TRERF1: variants seen among roughly 807,000 people sequenced by gnomAD.
The protein encoded by TRERF1 is transcriptional regulating factor 1.
Under a neutral mutation model 122.9 loss-of-function variants are expected in TRERF1, and 27 were observed. The observed-to-expected ratio is 0.22, with a 90% CI of 0.16 to 0.30. TRERF1 has a LOEUF of 0.30. Ranked by LOEUF, TRERF1 falls within the 10% of genes least tolerant of loss-of-function variation. The pLI is 1.00. For synonymous variants in TRERF1, 636 were observed against 641.7 expected (o/e 0.99, Z 0.13); for missense variants, 1,248 against 1,560.3 (o/e 0.80, Z 3.37).
At chr6:42,382,340 C>T (rs1047241277) in intron 2 of TRERF1, among the ~76,000 whole-genome samples, 1 of 151,178 alleles carries the variant, frequency 6.6e-6, no homozygotes, top group African/African-American at 2.4e-5. Context: ...CAGGTTAAAA[C>T]ATTTTATCTC....
chr6:42,403,128 A>T (rs1192811113), intron 2 of TRERF1, among the ~76,000 whole-genome samples: 6 of 152,106 alleles, frequency 3.9e-5, no homozygotes, highest in Admixed American at 3.9e-4. Context: ...AGAGACAGCA[A>T]ACCTCAGCTG....
chr6:42,256,866 A>G, intron 11 of TRERF1, 35 bp from the exon 12 acceptor site: 1 of 1,613,244 alleles, frequency 6.2e-7, no homozygotes. Flanking sequence ...TGCATCAGAG[A>G]GAGCTGAGTG....
At chr6:42,250,892 G>T (rs1164768346) in intron 13 of TRERF1, among the ~76,000 whole-genome samples, 1 of 151,888 alleles carries the variant, frequency 6.6e-6, no homozygotes, top group Non-Finnish European at 1.5e-5. Flanking sequence ...ATTAAAAAGA[G>T]ACATGGAGGG....
intron 2 of TRERF1, among the ~76,000 whole-genome samples, chr6:42,450,078 T>C (rs1788194877): frequency 2.0e-5 from 3 of 152,198 alleles, no homozygotes; most frequent in Admixed American, 1.3e-4. Flanking sequence ...CAGAAACCAG[T>C]AGGCTGAGGA....
At chr6:42,299,116 C>CTGTCTGTCTGTCTCTATCTATCTATCTA (rs10627056) in intron 4 of TRERF1, among the ~76,000 whole-genome samples, 2 of 141,680 alleles carry the variant, frequency 1.4e-5, no homozygotes, top group Non-Finnish European at 3.1e-5. Flanking sequence ...GTCTGTCTGT[C>CTGTCTGTCTGTCTCTATCTATCTATCTA]TCTATCTATC....
chr6:42,338,199 C>T (rs993634453), intron 3 of TRERF1, among the ~76,000 whole-genome samples: 2 of 152,148 alleles, frequency 1.3e-5, no homozygotes, highest in African/African-American at 2.4e-5. Flanking sequence ...GCACTAGCCA[C>T]GTGTCAGAGC....
intron 2 of TRERF1, among the ~76,000 whole-genome samples, chr6:42,412,397 A>C (rs1781248195): frequency 6.6e-6 from 1 of 152,216 alleles, no homozygotes; most frequent in African/African-American, 2.4e-5. Flanking sequence ...GTACAGTCTT[A>C]ACAGCACCAT....
At chr6:42,244,045 AT>A (rs1321951369) in intron 14 of TRERF1, among the ~76,000 whole-genome samples, 1 of 150,580 alleles carries the variant, frequency 6.6e-6, no homozygotes, top group South Asian at 2.1e-4. Flanking sequence ...CACCTGGCTC[AT>A]TTTTTTCTAT....
intron 3 of TRERF1, among the ~76,000 whole-genome samples, chr6:42,350,331 C>T (rs1410394721): frequency 6.6e-6 from 1 of 152,214 alleles, no homozygotes; most frequent in Non-Finnish European, 1.5e-5. Flanking sequence ...AGAGCTAAAA[C>T]TACATTTAAT....
chr6:42,347,475 T>G (rs1360679089), intron 3 of TRERF1, among the ~76,000 whole-genome samples: 1 of 152,114 alleles, frequency 6.6e-6, no homozygotes, highest in Non-Finnish European at 1.5e-5. Flanking sequence ...ATTCAATTAT[T>G]CAACACATAT....
chr6:42,400,801 A>T (rs901792224), intron 2 of TRERF1, among the ~76,000 whole-genome samples: 4 of 152,178 alleles, frequency 2.6e-5, no homozygotes, highest in African/African-American at 9.7e-5. Context: ...CCCAATGTCA[A>T]ATAGTCTGTC....
chr6:42,429,965 G>T (rs767142973), intron 2 of TRERF1, among the ~76,000 whole-genome samples: 2 of 152,018 alleles, frequency 1.3e-5, no homozygotes, highest in Non-Finnish European at 2.9e-5. Context: ...AAAGAGGGCC[G>T]GGAGGGAGCA....
intron 2 of TRERF1, among the ~76,000 whole-genome samples, chr6:42,403,618 G>T (rs866471386): frequency 9.2e-5 from 14 of 152,186 alleles, no homozygotes; most frequent in South Asian, 2.1e-4. Flanking sequence ...CTGTTGCTTT[G>T]AGTCATCCGG....
rs182038298 is a variant in TRERF1, at chr6:42,379,015, G to A, written c.-453-15936C>T. Among the ~76,000 whole-genome samples the A allele has an allele frequency of 9.9e-4, 151 of 152,310 alleles. 2 individuals are homozygous for A. Among genetic ancestry groups the A allele is most frequent in the Non-Finnish European group, 2.0e-3 (136 of 68,016 alleles). On this transcript the variant is annotated intron_variant, in intron 2 of 17. Transcript: ENST00000372922. ...GCACCTGTAGTCCCAAGCTACGCAG[G>A]AGGCTGAGGTGGGAGGATCAATTGA...
intron 2 of TRERF1, among the ~76,000 whole-genome samples, chr6:42,423,871 C>A (rs1308476030): frequency 6.6e-6 from 1 of 152,138 alleles, no homozygotes; most frequent in Non-Finnish European, 1.5e-5. Context: ...ATAAGAGGAA[C>A]CTTCGAAAAC....
chr6:42,434,650 A>C (rs1271329144), intron 2 of TRERF1, among the ~76,000 whole-genome samples: 1 of 143,122 alleles, frequency 7.0e-6, no homozygotes, highest in African/African-American at 2.6e-5. Context: ...GAACTGGAAC[A>C]CCAGCAGACA....
rs1243511640 is a variant in TRERF1 at position 42,408,280 on chromosome 6, T to TACACAC, written c.-454+42896_-454+42897insGTGTGT. ...ACATGTGTGTGTATGTATATATACA[T>TACACAC]ACACATGTGTGTGTATGTATATATA... On this transcript the variant is annotated intron_variant, in intron 2 of 17. Coordinates refer to ENST00000372922, the Ensembl canonical transcript of TRERF1. Among the ~76,000 whole-genome samples the TACACAC allele has an allele frequency of 1.4e-4, 19 of 139,588 alleles. No individual in the cohort carries two copies. The East Asian group carries it at 3.7e-3, about 27-fold the overall frequency. The allele number at this position is 139,588 out of a possible 152,430, so 91.6% of individuals were successfully genotyped here.
At chr6:42,363,864 ATCTTGGACTTGCAGCC>A (rs1326694428) in intron 2 of TRERF1, among the ~76,000 whole-genome samples, 3 of 152,184 alleles carry the variant, frequency 2.0e-5, no homozygotes, top group Admixed American at 6.5e-5. Flanking sequence ...CAACACCTTG[ATCTTGGACTTGCAGCC>A]TCCAGAGCTG....
At chr6:42,361,669 A>T (rs993098591) in intron 3 of TRERF1, among the ~76,000 whole-genome samples, 1 of 152,204 alleles carries the variant, frequency 6.6e-6, no homozygotes, top group Non-Finnish European at 1.5e-5. Context: ...AAACATACAC[A>T]AAAGCCTCTT....
Sources: gnomAD v4.1 joint callset for allele counts (sites outside exome capture counted in the v4.1 genomes callset) on GRCh38, gnomAD v4.1.1 for gene constraint, MANE v1.5 for transcripts, NCBI Gene and HGNC (gene_info 2026-07-23, HGNC 2026-07-21) for gene names.